The following RAB11FIP3 variants were observed in gnomAD, a reference collection of about 807,000 sequenced individuals.
RAB11FIP3 encodes RAB11 family interacting protein 3.
Under a neutral mutation model 77.8 loss-of-function variants are expected in RAB11FIP3, and 17 were observed. The observed-to-expected ratio is 0.22, with a 90% confidence interval of 0.15 to 0.33. RAB11FIP3 has a LOEUF of 0.33. Ranked by LOEUF, RAB11FIP3 falls within the 10% of genes least tolerant of loss-of-function variation. RAB11FIP3 has a pLI of 1.00. For missense variants in RAB11FIP3, 1,005 were observed against 1,011.2 expected (o/e 0.99, Z 0.08); for synonymous variants, 437 against 448.2 (o/e 0.98, Z 0.31).
intron 8 of RAB11FIP3, chr16:510,442 G>C: frequency 3.6e-6 from 2 of 551,350 alleles, no homozygotes; most frequent in South Asian, 2.2e-5. Context: ...ACACTGCTCC[G>C]GCCACCCCAG....
chr16:426,607 C>T lies in RAB11FIP3; in HGVS notation c.601C>T (p.Gln201Ter). The part of the protein sequence containing the change: ...HPLPSEPVGS[Q>*]EDGPRLRAVF... ...CCTTCCGAGCGAGCCCGTGGGGAGTCAGGAGGACGGCCCCCGCCTCCGAGC... is the reference window on the plus strand; with the variant it reads ...CCTTCCGAGCGAGCCCGTGGGGAGTTAGGAGGACGGCCCCCGCCTCCGAGC... The change falls in exon 1 of 14, where the codon CAG becomes TAG. Residue 201 changes from glutamine (Q) to a stop codon, truncating the protein, a stop_gained. Transcript: ENST00000262305. LOFTEE classifies it high-confidence loss of function. This position sits in a 1 kb window ranked among gnomAD's most constrained non-coding sequence, Gnocchi z 5.0. 6.3e-7 allele frequency: 1 copy of T among 1,596,644 alleles called. No individual in the cohort carries two copies. The highest frequency in any genetic ancestry group is 8.5e-7 in the Non-Finnish European group (1 of 1,172,574).
At position 514,052 on chromosome 16, in the gene RAB11FIP3, TA is replaced by T. The variant is rs1246941588; in HGVS notation, c.1640+3253del. Among the ~76,000 whole-genome samples, 1 of 152,230 alleles carries T rather than the reference TA, an allele frequency of 6.6e-6. No homozygotes were observed. Among genetic ancestry groups the T allele is most frequent in the African/African-American group, 2.4e-5 (1 of 41,466 alleles). ...TGCTCTGGTGTGGAGGGGCACAAGA[TA>T]GGGGTCTCACGAGGCCCTCAGGGAG... On this transcript the variant is annotated intron_variant, in intron 9 of 13. Transcript: ENST00000262305. The surrounding 1 kb of genome is among the most constrained non-coding windows in gnomAD (Gnocchi z 4.6).
rs1333076318 is a variant in RAB11FIP3 at position 522,219 on chromosome 16, CAAGAG to C, written c.*1383_*1387del. On this transcript the variant is annotated 3_prime_UTR_variant, in exon 14 of 14. Transcript: ENST00000262305. ...AGGTTGATCAATTTTTTAATACTTT[CAAGAG>C]AAAACTGTGTATACACATGAAATAT... 3.4e-5 allele frequency: 5 copies of C among 145,664 alleles called. No homozygotes were observed. In the East Asian group the frequency reaches 1.0e-3, roughly 30 times the overall value. 9.0% of individuals were successfully genotyped at this position (145,664 alleles called of 1,614,324 possible). A position where few individuals can be genotyped will look rare whatever the true frequency, so the allele number is the denominator to read the frequency against.
intron 1 of RAB11FIP3, among the ~76,000 whole-genome samples, chr16:446,798 T>G (rs896139316): frequency 5.9e-5 from 9 of 152,060 alleles, no homozygotes; most frequent in African/African-American, 1.4e-4. Flanking sequence ...TAGTCCTGGT[T>G]CACGCAATTC....
At chr16:438,404 CTTTT>C (rs753481865) in intron 1 of RAB11FIP3, among the ~76,000 whole-genome samples, 1 of 118,826 alleles carries the variant, frequency 8.4e-6, no homozygotes, top group South Asian at 2.7e-4. Context: ...CTGCGTCCGG[CTTTT>C]TTTTTTTTTT....
Position 480,286 on chromosome 16 carries a change from CAAAA to C in RAB11FIP3, c.904-2222_904-2219del, listed in dbSNP as rs56228402. Reference sequence around the variant, plus strand: ...GGCAGGAAGAGTAAAACTCCTTCTCCAAAAAAAAAAAAAAAAAAAAGTTGAATTG... The same window carrying C: ...GGCAGGAAGAGTAAAACTCCTTCTCCAAAAAAAAAAAAAAAAGTTGAATTG... On this transcript the variant is annotated intron_variant, in intron 3 of 13. Coordinates refer to ENST00000262305, the MANE Select transcript of RAB11FIP3 (RefSeq NM_014700.4). Among the ~76,000 whole-genome samples, 785 of 80,032 alleles carry C rather than the reference CAAAA, an allele frequency of 9.8e-3. 20 individuals are homozygous for C. The highest frequency in any genetic ancestry group is 0.036 in the African/African-American group (743 of 20,768). 52.5% of individuals were successfully genotyped at this position (80,032 alleles called of 152,430 possible).
intron 2 of RAB11FIP3, among the ~76,000 whole-genome samples, chr16:465,766 C>T (rs962142003): frequency 1.8e-4 from 28 of 152,150 alleles, no homozygotes; most frequent in African/African-American, 6.5e-4. Flanking sequence ...CGCGCTGCCA[C>T]ACCTGGCCAA....
At chr16:474,773 C>CTA in intron 3 of RAB11FIP3, 1 of 1,365,468 alleles carries the variant, frequency 7.3e-7, no homozygotes, top group Non-Finnish European at 9.5e-7. Context: ...CCCTGACTGA[C>CTA]TAACCGTTTT....
At chr16:428,596 T>C (rs916734754) in intron 1 of RAB11FIP3, among the ~76,000 whole-genome samples, 2 of 152,064 alleles carry the variant, frequency 1.3e-5, no homozygotes, top group African/African-American at 4.8e-5. Context: ...ATCCCCACTT[T>C]ACAGGTAAGA....
intron 2 of RAB11FIP3, among the ~76,000 whole-genome samples, chr16:469,769 C>T (rs558239280): frequency 6.6e-6 from 1 of 152,198 alleles, no homozygotes; most frequent in Non-Finnish European, 1.5e-5. Context: ...AAGCAATCCT[C>T]TAGTGTCAGT....
intron 5 of RAB11FIP3, among the ~76,000 whole-genome samples, chr16:494,802 CAGAGGTGGGAGGATCACA>C (rs2030960794): frequency 6.6e-6 from 1 of 151,082 alleles, no homozygotes; most frequent in African/African-American, 2.5e-5. Context: ...GTCGAGGCTG[CAGAGGTGGGAGGATCACA>C]TGAGCCTGGG....
At position 507,681 on chromosome 16, in the gene RAB11FIP3, C is replaced by T. The variant is rs770911826; in HGVS notation, c.1499+2054C>T. On this transcript the variant is annotated intron_variant, in intron 8 of 13. Transcript: ENST00000262305. The surrounding 1 kb of genome is among the most constrained non-coding windows in gnomAD (Gnocchi z 4.6). ...CTGACCGTCTGCAGTGCAGCCCCGG[C>T]CACATTCAGTTCCTGTGGCTGTTCC... 2.0e-4 allele frequency among the ~76,000 whole-genome samples: 30 copies of T among 152,274 alleles called. No homozygotes were observed. The highest frequency in any genetic ancestry group is 1.2e-4 in the Non-Finnish European group (8 of 68,052).
intron 5 of RAB11FIP3, among the ~76,000 whole-genome samples, chr16:489,554 C>T (rs1330271745): frequency 1.3e-5 from 2 of 152,160 alleles, no homozygotes; most frequent in Non-Finnish European, 2.9e-5. Context: ...GGGGCTCCCA[C>T]GTGGGAGTCA....
At chr16:466,133 C>T (rs910705443) in intron 2 of RAB11FIP3, among the ~76,000 whole-genome samples, 1 of 152,162 alleles carries the variant, frequency 6.6e-6, no homozygotes, top group African/African-American at 2.4e-5. Context: ...TTGCTCTGCA[C>T]AATGTGGCTG....
intron 2 of RAB11FIP3, among the ~76,000 whole-genome samples, chr16:467,658 C>G (rs184895871): frequency 0.013 from 219 of 16,732 alleles, 2 homozygotes; most frequent in African/African-American, 0.037. Flanking sequence ...GTGCTGGGGC[C>G]TCAGGGAGGA....
intron 8 of RAB11FIP3, among the ~76,000 whole-genome samples, chr16:510,243 G>A (rs898806147): frequency 1.3e-4 from 20 of 151,592 alleles, no homozygotes; most frequent in African/African-American, 2.4e-4. Flanking sequence ...TCCACGCCCC[G>A]TCCCGAGGCT....
At chr16:446,628 T>C (rs2141872757) in intron 1 of RAB11FIP3, among the ~76,000 whole-genome samples, 1 of 152,348 alleles carries the variant, frequency 6.6e-6, no homozygotes, top group African/African-American at 2.4e-5. Context: ...CATGTTGACC[T>C]GTTTTCCAAG....
intron 6 of RAB11FIP3, among the ~76,000 whole-genome samples, chr16:498,247 C>T (rs2031285044): frequency 1.3e-5 from 2 of 152,170 alleles, no homozygotes; most frequent in African/African-American, 4.8e-5. Flanking sequence ...AATCACAGCT[C>T]ACTGCAGCCT....
chr16:471,447 G>A lies in RAB11FIP3; in HGVS notation c.903+58G>A. 3 of 1,393,328 alleles carry A rather than the reference G, an allele frequency of 2.2e-6. No individual in the cohort carries two copies. The South Asian group carries it at 3.7e-5, about 17-fold the overall frequency. The allele number at this position is 1,393,328 out of a possible 1,614,324, so 86.3% of individuals were successfully genotyped here. ...GTCTGGCATCCACCTCTTCCTTTAT[G>A]CCCTACAGCTCGTGCCTCCTGCCTC... On this transcript the variant is annotated intron_variant, in intron 3 of 13. Transcript: ENST00000262305. The surrounding 1 kb of genome is among the most constrained non-coding windows in gnomAD (Gnocchi z 4.4).
Sources: gnomAD v4.1 joint callset for allele counts (sites outside exome capture counted in the v4.1 genomes callset) on GRCh38, gnomAD v4.1.1 for gene constraint, Gnocchi (gnomAD v3.1) non-coding constraint, MANE v1.5 for transcripts, NCBI Gene and HGNC (gene_info 2026-07-23, HGNC 2026-07-21) for gene names.